LYST: variants seen among roughly 807,000 people sequenced by gnomAD.
The protein encoded by LYST is lysosomal trafficking regulator.
A neutral mutation model predicts 413.6 loss-of-function variants in LYST; 192 were observed. The ratio of observed to expected loss-of-function variants is 0.46; its 90% CI spans 0.41 to 0.52. The LOEUF (loss-of-function observed/expected upper bound fraction) is 0.52. LYST is among the 20% of genes least tolerant of loss of function. The probability of loss-of-function intolerance (pLI) is 0.00; values close to 1 mark genes in which losing one functional copy is unlikely to be tolerated. For synonymous variants in LYST, 1,525 were observed against 1,567.3 expected, an observed-to-expected ratio of 0.97 and a Z score of 0.64; for missense variants, 3,815 against 4,499.9, an observed-to-expected ratio of 0.85 and a Z score of 4.35.
intron 23 of LYST, among the ~76,000 whole-genome samples, chr1:235,757,672 T>TG (rs1667169679): frequency 6.6e-6 from 1 of 152,212 alleles, no homozygotes; most frequent in Admixed American, 6.5e-5. Context: ...CACTATTCAA[T>TG]TGTACATCTC....
rs1313658431 is a variant in LYST at position 235,830,395 on chromosome 1, A to G, written c.23T>C (p.Leu8Pro). The change falls in exon 3 of 53, where the codon CTG becomes CCG. Residue 8 changes from leucine to proline, a missense_variant. Coordinates refer to ENST00000389793, the MANE Select transcript of LYST (RefSeq NM_000081.4). MSTDSNS[L>P]AREFLTDVNR... ...GACATCGGTCAGAAATTCACGTGCC[A>G]GTGAGTTACTGTCGGTGCTCATGAC... 1 of 1,613,496 alleles carries G rather than the reference A, an allele frequency of 6.2e-7. No individual in the cohort carries two copies. The highest frequency in any genetic ancestry group is 1.3e-5 in the African/African-American group (1 of 74,886).
intron 3 of LYST, among the ~76,000 whole-genome samples, chr1:235,823,150 A>G (rs914656411): frequency 6.6e-6 from 1 of 152,206 alleles, no homozygotes; most frequent in Non-Finnish European, 1.5e-5. Flanking sequence ...TGGGTGGATA[A>G]TTGGGGGATT....
chr1:235,661,314 C>T lies in LYST; in HGVS notation c.*1626G>A, dbSNP rs1036102935. 2.0e-5 allele frequency: 3 copies of T among 152,510 alleles called. No homozygotes were observed. Among genetic ancestry groups the T allele is most frequent in the Non-Finnish European group, 4.4e-5 (3 of 68,024 alleles). The allele number at this position is 152,510 out of a possible 1,614,324, so 9.4% of individuals were successfully genotyped here. ...TCGGTTTTTAAAAAAAGATGAGTAG[C>T]AACCCTATTCTAATAGGGGACTAAT... is the stretch of plus-strand genomic sequence containing the variant. On this transcript the variant is annotated 3_prime_UTR_variant, in exon 53 of 53. Transcript: ENST00000389793.
At position 235,755,626 on chromosome 1, in the gene LYST, T is replaced by C; in HGVS notation, c.7081A>G (p.Arg2361Gly). The change falls in exon 25 of 53, where the codon AGA (arginine) becomes GGA (glycine). Residue 2361 changes from arginine (R) to glycine (G), a missense_variant. Coordinates refer to ENST00000389793, the MANE Select transcript of LYST (RefSeq NM_000081.4). ...VIKLLDAYFA[R>G]ASKEQKDKFL... The stretch of plus-strand genomic sequence containing the variant: ...TTATCTTTTTGTTCCTTAGATGCTC[T>C]AGCAAAATATGCATCTAATAGCTAA... The C allele has an allele frequency of 6.2e-7, 1 of 1,610,506 alleles. No individual in the cohort carries two copies. Among genetic ancestry groups the C allele is most frequent in the Non-Finnish European group, 8.5e-7 (1 of 1,176,940 alleles).
intron 1 of LYST, chr1:235,839,881 T>C (rs1485985291): frequency 6.6e-6 from 1 of 152,102 alleles, no homozygotes; most frequent in Non-Finnish European, 1.5e-5. Context: ...CATCAGTTCA[T>C]GTGGCCATGT....
rs1672070433 is a variant in LYST at position 235,800,314 on chromosome 1, A to C, written c.4006+6T>G. 2 of 1,551,356 alleles carry C rather than the reference A, an allele frequency of 1.3e-6. No individual in the cohort carries two copies. The highest frequency in any genetic ancestry group is 3.3e-5 in the Admixed American group (2 of 59,850). On this transcript the variant is annotated splice_donor_region_variant and intron_variant, in intron 10 of 52. Transcript: ENST00000389793. ...AGAGCTATTGTTTAAAACAGTTTCA[A>C]CTTACCTTGAAAATCAGAATCATCC...
At chr1:235,758,178 T>C (rs1319383742) in intron 23 of LYST, among the ~76,000 whole-genome samples, 2 of 152,132 alleles carry the variant, frequency 1.3e-5, no homozygotes, top group East Asian at 3.8e-4. Context: ...CATATAAAGT[T>C]ATGGGTCTGC....
At chr1:235,768,463 C>CT (rs925753186) in intron 20 of LYST, among the ~76,000 whole-genome samples, 8 of 152,062 alleles carry the variant, frequency 5.3e-5, no homozygotes, top group Non-Finnish European at 1.0e-4. Flanking sequence ...CACAAACACT[C>CT]TGAGGTAACT....
At chr1:235,790,958 G>A (rs1670915062) in intron 12 of LYST, among the ~76,000 whole-genome samples, 1 of 152,144 alleles carries the variant, frequency 6.6e-6, no homozygotes, top group African/African-American at 2.4e-5. Flanking sequence ...CGACCAGCCT[G>A]ACCAACAGGG....
upstream of LYST, among the ~76,000 whole-genome samples, chr1:235,871,095 C>A (rs560344676): frequency 3.9e-5 from 6 of 152,200 alleles, no homozygotes; most frequent in Non-Finnish European, 1.5e-5. Context: ...GCATATACAT[C>A]TTTTACAATT....
chr1:235,738,210 T>C, intron 31 of LYST: 3 of 1,610,536 alleles, frequency 1.9e-6, no homozygotes, highest in Non-Finnish European at 1.7e-6. Flanking sequence ...TGGCAGCCTT[T>C]TCCTTAGAAC....
At chr1:235,735,951 C>CT (rs1664779851) in intron 31 of LYST, 2 of 152,034 alleles carry the variant, frequency 1.3e-5, no homozygotes, top group Non-Finnish European at 2.9e-5. Flanking sequence ...AAAGACTTTC[C>CT]TAAGTGTGTC....
intron 21 of LYST, among the ~76,000 whole-genome samples, chr1:235,763,930 C>T (rs190154203): frequency 6.6e-6 from 1 of 152,302 alleles, no homozygotes; most frequent in African/African-American, 2.4e-5. Context: ...TCTCGAATGT[C>T]AACTCCTGCT....
At chr1:235,741,225 G>A (rs1665371609) in intron 31 of LYST, among the ~76,000 whole-genome samples, 197 bp downstream of exon 31, 1 of 152,136 alleles carries the variant, frequency 6.6e-6, no homozygotes, top group African/African-American at 2.4e-5. Flanking sequence ...CTAGAAAAAA[G>A]ATTGGGAAAT....
chr1:235,882,108 A>ACACACACACACAC (rs1553330425), intron 1 of LYST, among the ~76,000 whole-genome samples: 3 of 151,702 alleles, frequency 2.0e-5, no homozygotes, highest in African/African-American at 7.3e-5. Context: ...ACACACACAC[A>ACACACACACACAC]AATAGGAGGC....
At chr1:235,802,768 A>T in intron 8 of LYST, 140 bp downstream of exon 8, 1 of 750,624 alleles carries the variant, frequency 1.3e-6, no homozygotes, top group Non-Finnish European at 2.3e-6. Context: ...ACTGTTGGGA[A>T]GATCAATAAA....
intron 1 of LYST, among the ~76,000 whole-genome samples, chr1:235,853,509 TATA>T: frequency 6.6e-6 from 1 of 151,762 alleles, no homozygotes. Context: ...AAAAAACATG[TATA>T]ACAGCAGTAA....
intron 21 of LYST, 27 bp downstream of exon 21, chr1:235,766,052 T>G: frequency 1.3e-6 from 2 of 1,531,726 alleles, no homozygotes; most frequent in Non-Finnish European, 1.8e-6. Flanking sequence ...GAAATAGCCA[T>G]GATCTAACAA....
chr1:235,807,854 AAATT>A (rs1321412939), intron 5 of LYST, among the ~76,000 whole-genome samples: 1 of 152,124 alleles, frequency 6.6e-6, no homozygotes, highest in Non-Finnish European at 1.5e-5. Flanking sequence ...TAATATTTTA[AAATT>A]AATAATCCCA....
Sources: allele counts gnomAD v4.1 joint callset (sites outside exome capture counted in the v4.1 genomes callset), GRCh38; gene constraint gnomAD v4.1.1; transcripts MANE v1.5; gene names NCBI Gene and HGNC (gene_info 2026-07-23, HGNC 2026-07-21).